ATRNL1: variants seen among roughly 807,000 people sequenced by gnomAD.
The protein encoded by ATRNL1 is attractin like 1, also known as attractin-like protein 1.
Under a neutral mutation model 182.7 loss-of-function variants are expected in ATRNL1, and 95 were observed. That is an observed-to-expected ratio of 0.52 (90% CI 0.44 to 0.62). The LOEUF (loss-of-function observed/expected upper bound fraction) is 0.62, where lower values mean the gene tolerates loss of function less well. Ranked by LOEUF, ATRNL1 falls within the 20% of genes least tolerant of loss-of-function variation. ATRNL1 has a pLI of 0.00. For synonymous variants in ATRNL1, 576 were observed against 568.3 expected, an observed-to-expected ratio of 1.01 and a Z score of -0.19; for missense variants, 1,471 against 1,679.5, an observed-to-expected ratio of 0.88 and a Z score of 2.17.
intron 27 of ATRNL1, among the ~76,000 whole-genome samples, chr10:115,767,774 C>T (rs1358396401): frequency 1.3e-5 from 2 of 152,148 alleles, no homozygotes; most frequent in Non-Finnish European, 2.9e-5. Context: ...ACTTCACTCT[C>T]ATTGTTATTG....
chr10:115,521,560 G>C (rs1474599246), intron 25 of ATRNL1, among the ~76,000 whole-genome samples: 3 of 152,182 alleles, frequency 2.0e-5, no homozygotes, highest in African/African-American at 7.2e-5. Flanking sequence ...TTTGAATCTT[G>C]AGGTTTTTTA....
intron 13 of ATRNL1, among the ~76,000 whole-genome samples, chr10:115,278,523 G>A (rs1003727719): frequency 4.6e-5 from 7 of 152,200 alleles, no homozygotes; most frequent in African/African-American, 1.7e-4. Context: ...GTGTGATGAG[G>A]CATTTACCTT....
At chr10:115,880,848 A>G (rs1281626180) in intron 28 of ATRNL1, among the ~76,000 whole-genome samples, 3 of 152,196 alleles carry the variant, frequency 2.0e-5, no homozygotes, top group African/African-American at 7.2e-5. Context: ...GAGGTTTGAA[A>G]GGACTGCTTT....
chr10:115,877,397 C>T (rs1555107503), intron 28 of ATRNL1, among the ~76,000 whole-genome samples: 1 of 152,210 alleles, frequency 6.6e-6, no homozygotes, highest in Non-Finnish European at 1.5e-5. Context: ...CAGTGGGAAG[C>T]TACAGGTTTG....
chr10:115,150,819 A>G (rs1554880418), intron 5 of ATRNL1, among the ~76,000 whole-genome samples: 2 of 152,116 alleles, frequency 1.3e-5, no homozygotes, highest in South Asian at 2.1e-4. Flanking sequence ...GGTGTGCTGC[A>G]CCCATTAACT....
At chr10:115,175,851 T>A (rs914889680) in intron 8 of ATRNL1, among the ~76,000 whole-genome samples, 1 of 152,150 alleles carries the variant, frequency 6.6e-6, no homozygotes, top group Non-Finnish European at 1.5e-5. Context: ...TAAATGTAGT[T>A]TAAAGATGCT....
chr10:115,377,568 C>T (rs990381340), intron 19 of ATRNL1, among the ~76,000 whole-genome samples: 6 of 152,062 alleles, frequency 3.9e-5, no homozygotes, highest in South Asian at 2.1e-4. Context: ...CACTTTTGGG[C>T]GTTAGTTACT....
chr10:115,097,544 T>C (rs550953668), intron 1 of ATRNL1, among the ~76,000 whole-genome samples: 25 of 152,254 alleles, frequency 1.6e-4, no homozygotes, highest in African/African-American at 6.0e-4. Flanking sequence ...AATGAAGATG[T>C]AATGATATAA....
intron 27 of ATRNL1, among the ~76,000 whole-genome samples, chr10:115,820,813 AT>A (rs1555090051): frequency 6.6e-6 from 1 of 151,988 alleles, no homozygotes; most frequent in Non-Finnish European, 1.5e-5. Flanking sequence ...TCATTTTATA[AT>A]GGGTAGATGA....
intron 8 of ATRNL1, among the ~76,000 whole-genome samples, chr10:115,182,806 A>G (rs1348146660): frequency 1.3e-5 from 2 of 151,548 alleles, no homozygotes; most frequent in Non-Finnish European, 3.0e-5. Flanking sequence ...CAACCCAGCA[A>G]CCACCTATAG....
chr10:115,337,185 A>C (rs949559980), intron 19 of ATRNL1, among the ~76,000 whole-genome samples: 20 of 152,062 alleles, frequency 1.3e-4, no homozygotes, highest in Non-Finnish European at 2.5e-4. Context: ...TTAATTAAAA[A>C]GAATTCAATT....
At chr10:115,219,127 C>T (rs1463543871) in intron 9 of ATRNL1, among the ~76,000 whole-genome samples, 2 of 150,328 alleles carry the variant, frequency 1.3e-5, no homozygotes, top group African/African-American at 4.9e-5. Context: ...CCCAGGTACT[C>T]GGGAGGCTGA....
chr10:115,615,351 C>T (rs1421171390), intron 26 of ATRNL1, among the ~76,000 whole-genome samples: 1 of 152,068 alleles, frequency 6.6e-6, no homozygotes, highest in Non-Finnish European at 1.5e-5. Flanking sequence ...CAAATTTCTC[C>T]ACATTTCTGA....
At chr10:115,428,870 T>C (rs1292866002) in intron 21 of ATRNL1, among the ~76,000 whole-genome samples, 1 of 152,134 alleles carries the variant, frequency 6.6e-6, no homozygotes, top group Non-Finnish European at 1.5e-5. Flanking sequence ...TAGCAATGTA[T>C]AGTTTGGTTG....
chr10:115,544,288 G>T (rs1554992962), intron 25 of ATRNL1, among the ~76,000 whole-genome samples: 1 of 152,124 alleles, frequency 6.6e-6, no homozygotes, highest in Non-Finnish European at 1.5e-5. Context: ...GTCACATCAA[G>T]TCCAGTGGGC....
intron 27 of ATRNL1, among the ~76,000 whole-genome samples, chr10:115,832,586 T>A (rs1950582864): frequency 2.6e-5 from 4 of 152,190 alleles, no homozygotes; most frequent in Admixed American, 1.3e-4. Flanking sequence ...GATGCTAGTA[T>A]GGAAAGTGGG....
At chr10:115,942,938 A>C (rs546103364) in intron 28 of ATRNL1, among the ~76,000 whole-genome samples, 4 of 152,304 alleles carry the variant, frequency 2.6e-5, no homozygotes, top group African/African-American at 9.6e-5. Context: ...AATTTAATGA[A>C]ATCTTTACTA....
intron 27 of ATRNL1, among the ~76,000 whole-genome samples, chr10:115,736,477 A>G (rs185428463): frequency 3.2e-4 from 49 of 152,138 alleles, no homozygotes; most frequent in African/African-American, 1.1e-3. Flanking sequence ...TTCCGAATAA[A>G]ATTATTTTTA....
intron 21 of ATRNL1, among the ~76,000 whole-genome samples, chr10:115,443,324 A>G (rs1259230044): frequency 6.6e-6 from 1 of 151,936 alleles, no homozygotes; most frequent in Non-Finnish European, 1.5e-5. Context: ...CATTTGCCTG[A>G]TGTGTCTCCC....
Sources: allele counts gnomAD v4.1 joint callset (sites outside exome capture counted in the v4.1 genomes callset), GRCh38; gene constraint gnomAD v4.1.1; transcripts MANE v1.5; gene names NCBI Gene and HGNC (gene_info 2026-07-23, HGNC 2026-07-21).